PTPRD: variants seen among roughly 807,000 people sequenced by gnomAD.
PTPRD encodes the protein receptor-type tyrosine-protein phosphatase delta.
PTPRD carries 34 observed loss-of-function variants against 214.5 expected under a neutral mutation model. The ratio of observed to expected loss-of-function variants is 0.16; its 90% confidence interval spans 0.12 to 0.21. The LOEUF (loss-of-function observed/expected upper bound fraction) is 0.21, where lower values mean the gene tolerates loss of function less well. PTPRD is among the 10% of genes least tolerant of loss of function. PTPRD has a pLI of 1.00. For missense variants in PTPRD, 2,545 were observed against 2,398.7 expected, an observed-to-expected ratio of 1.06 and a Z score of -1.27; for synonymous variants, 1,128 against 845.7, an observed-to-expected ratio of 1.33 and a Z score of -5.79.
rs558898960 is a variant in PTPRD at position 9,410,106 on chromosome 9, A to G, written c.-236-12624T>C. 5.9e-5 allele frequency among the ~76,000 whole-genome samples: 9 copies of G among 152,280 alleles called. 1 individual carries two copies. Among genetic ancestry groups the G allele is most frequent in the Admixed American group, 1.3e-4 (2 of 15,296 alleles). On this transcript the variant is annotated intron_variant, in intron 8 of 45. Coordinates refer to ENST00000381196, the MANE Select transcript of PTPRD (RefSeq NM_002839.4). ...CACTAAGCAGCCTTATACAAATTCA[A>G]TAAATGCTAGATGTCTTTAAAGACA...
chr9:9,907,615 C>G (rs1344073454), intron 5 of PTPRD, among the ~76,000 whole-genome samples: 1 of 151,924 alleles, frequency 6.6e-6, no homozygotes, highest in Non-Finnish European at 1.5e-5. Context: ...TTTTAAAGCT[C>G]TATCTCCGAA....
intron 8 of PTPRD, among the ~76,000 whole-genome samples, chr9:9,532,956 T>C (rs1240390298): frequency 6.6e-6 from 1 of 152,184 alleles, no homozygotes; most frequent in Non-Finnish European, 1.5e-5. Flanking sequence ...CCTTCAGTTG[T>C]TTAATAGCCA....
intron 9 of PTPRD, among the ~76,000 whole-genome samples, chr9:9,317,978 C>A (rs892423047): frequency 3.3e-5 from 5 of 151,962 alleles, no homozygotes; most frequent in African/African-American, 9.7e-5. Context: ...TCAAGACCAG[C>A]CTGATCAACA....
chr9:9,120,551 G>T (rs1211146162), intron 10 of PTPRD, among the ~76,000 whole-genome samples: 1 of 152,156 alleles, frequency 6.6e-6, no homozygotes, highest in Non-Finnish European at 1.5e-5. Context: ...TTTAGATTTA[G>T]TCAAACATTT....
At chr9:10,252,415 T>C (rs181326484) in intron 3 of PTPRD, among the ~76,000 whole-genome samples, 4 of 152,272 alleles carry the variant, frequency 2.6e-5, no homozygotes, top group African/African-American at 9.6e-5. Context: ...CCAGATAGGC[T>C]TCCAGCCAGC....
chr9:10,559,011 G>T (rs2063240397), intron 2 of PTPRD, among the ~76,000 whole-genome samples: 1 of 152,130 alleles, frequency 6.6e-6, no homozygotes, highest in Non-Finnish European at 1.5e-5. Context: ...ATTTTGTTGG[G>T]GAGGTTTCCA....
chr9:8,690,288 G>A (rs12685347), intron 12 of PTPRD, among the ~76,000 whole-genome samples: 9,375 of 152,084 alleles, frequency 0.062, 412 homozygotes, highest in East Asian at 0.17. Context: ...AGCACTTTGG[G>A]AGGTCGAGGC....
intron 7 of PTPRD, among the ~76,000 whole-genome samples, chr9:9,601,752 T>G (rs1313669584): frequency 6.6e-6 from 1 of 152,076 alleles, no homozygotes; most frequent in Non-Finnish European, 1.5e-5. Context: ...AGATCATTGT[T>G]CTGGTGGAAA....
intron 3 of PTPRD, among the ~76,000 whole-genome samples, chr9:10,200,866 TAAG>T (rs1224449661): frequency 6.6e-6 from 1 of 152,122 alleles, no homozygotes. Context: ...TGTAAAATAC[TAAG>T]AAGAACCAGG....
intron 3 of PTPRD, among the ~76,000 whole-genome samples, chr9:10,122,076 G>C (rs1271848829): frequency 1.3e-5 from 2 of 152,208 alleles, no homozygotes; most frequent in East Asian, 1.9e-4. Context: ...GGGAGGTCAA[G>C]GCAGGTGGAT....
intron 14 of PTPRD, among the ~76,000 whole-genome samples, chr9:8,633,075 G>A (rs2096303581): frequency 6.6e-6 from 1 of 151,788 alleles, no homozygotes; most frequent in South Asian, 2.1e-4. Flanking sequence ...AATGGTATCT[G>A]GCATTTGAAG....
chr9:8,411,614 C>A (rs534508616), intron 35 of PTPRD, among the ~76,000 whole-genome samples: 5 of 152,260 alleles, frequency 3.3e-5, no homozygotes, highest in African/African-American at 1.2e-4. Context: ...CTATACATGG[C>A]TTTTTAATAT....
intron 4 of PTPRD, among the ~76,000 whole-genome samples, chr9:9,952,218 T>C (rs1340886886): frequency 6.6e-6 from 1 of 152,142 alleles, no homozygotes; most frequent in Non-Finnish European, 1.5e-5. Flanking sequence ...TTTGAAGAGC[T>C]CAAACGTGGC....
At chr9:10,272,050 C>A (rs965071452) in intron 3 of PTPRD, among the ~76,000 whole-genome samples, 10 of 152,168 alleles carry the variant, frequency 6.6e-5, no homozygotes, top group African/African-American at 2.2e-4. Context: ...ACATTTTCAT[C>A]CCTTAGAAAG....
chr9:10,095,363 T>A (rs1320267032), intron 3 of PTPRD, among the ~76,000 whole-genome samples: 1 of 151,648 alleles, frequency 6.6e-6, no homozygotes, highest in Middle Eastern at 3.4e-3. Flanking sequence ...GAATCCATAG[T>A]TGTTCCATAT....
chr9:10,484,587 G>T (rs2099120679), intron 2 of PTPRD, among the ~76,000 whole-genome samples: 1 of 152,006 alleles, frequency 6.6e-6, no homozygotes, highest in African/African-American at 2.4e-5. Context: ...ATTTTAACTG[G>T]GATAAGATGA....
intron 7 of PTPRD, among the ~76,000 whole-genome samples, chr9:9,622,455 C>T (rs993892307): frequency 6.6e-5 from 10 of 152,128 alleles, no homozygotes; most frequent in South Asian, 4.2e-4. Context: ...TTATCATTTA[C>T]GTATTGTACA....
intron 5 of PTPRD, among the ~76,000 whole-genome samples, chr9:9,842,373 T>G (rs1229602512): frequency 7.2e-6 from 1 of 138,114 alleles, no homozygotes; most frequent in Non-Finnish European, 1.5e-5. Flanking sequence ...GTAGTAACAC[T>G]GTAGGATTTT....
intron 36 of PTPRD, among the ~76,000 whole-genome samples, chr9:8,398,844 T>C (rs1168294859): frequency 6.6e-6 from 1 of 152,132 alleles, no homozygotes; most frequent in Non-Finnish European, 1.5e-5. Flanking sequence ...AGGAATAAAT[T>C]TGTATGGTTT....
Sources: allele counts gnomAD v4.1 joint callset (sites outside exome capture counted in the v4.1 genomes callset), GRCh38; gene constraint gnomAD v4.1.1; transcripts MANE v1.5; gene names NCBI Gene and HGNC (gene_info 2026-07-23, HGNC 2026-07-21).